MSRA: variants seen among roughly 807,000 people sequenced by gnomAD.
MSRA encodes methionine sulfoxide reductase A.
MSRA carries 54 observed loss-of-function variants against 31.3 expected under a neutral mutation model. The observed-to-expected ratio is 1.73, with a 90% CI of 1.39 to 2.17. The LOEUF (loss-of-function observed/expected upper bound fraction) is 2.17. Among genes scored for constraint, MSRA ranks in the 30% most tolerant of loss-of-function variants. MSRA has a pLI of 0.00. For missense variants in MSRA, 507 were observed against 300.9 expected (o/e 1.69, Z -5.07); for synonymous variants, 169 against 116.5 (o/e 1.45, Z -2.90).
chr8:10,387,629 A>G (rs1464983431), intron 5 of MSRA, among the ~76,000 whole-genome samples: 1 of 152,196 alleles, frequency 6.6e-6, no homozygotes, highest in Non-Finnish European at 1.5e-5. Context: ...GTGCAAGTTC[A>G]CTGCAGACAA....
chr8:10,231,737 T>C (rs183579681), intron 2 of MSRA, among the ~76,000 whole-genome samples: 230 of 152,112 alleles, frequency 1.5e-3, no homozygotes, highest in African/African-American at 5.3e-3. Flanking sequence ...ACCCCGTCTC[T>C]ACTCAGAATA....
At chr8:10,380,460 C>T (rs962622398) in intron 5 of MSRA, among the ~76,000 whole-genome samples, 7 of 152,174 alleles carry the variant, frequency 4.6e-5, no homozygotes, top group African/African-American at 1.4e-4. Flanking sequence ...AAATTTCTTT[C>T]TTTAAGGCTA....
chr8:10,428,238 C>T lies in MSRA; in HGVS notation c.634C>T (p.Leu212=), dbSNP rs1258110040. The T allele has an allele frequency of 6.2e-7, 1 of 1,614,080 alleles. No homozygotes were observed. Among genetic ancestry groups the T allele is most frequent in the African/African-American group, 1.3e-5 (1 of 74,934 alleles). ...YYAEDYHQQY[L]SKNPNGYCGL... is the part of the protein sequence containing the mutation. ...TGCGGAAGACTACCACCAGCAGTAC[C>T]TGAGCAAGAACCCCAATGGCTACTG... The change falls in exon 6 of 6, where the codon CTG becomes TTG. Residue 212 remains leucine, a synonymous_variant. Coordinates refer to ENST00000317173, the MANE Select transcript of MSRA (RefSeq NM_012331.5).
intron 3 of MSRA, among the ~76,000 whole-genome samples, chr8:10,273,991 G>A (rs1310978397): frequency 6.6e-6 from 1 of 152,138 alleles, no homozygotes; most frequent in Non-Finnish European, 1.5e-5. Context: ...CCCTGCAGGG[G>A]CCTGGTGAAG....
intron 3 of MSRA, among the ~76,000 whole-genome samples, chr8:10,274,928 G>A (rs966949998): frequency 6.6e-6 from 1 of 152,070 alleles, no homozygotes. Context: ...CTTTTGAGTT[G>A]CTTTAAAACT....
At chr8:10,220,132 T>C (rs1810367064) in intron 2 of MSRA, among the ~76,000 whole-genome samples, 1 of 152,212 alleles carries the variant, frequency 6.6e-6, no homozygotes, top group Admixed American at 6.5e-5. Flanking sequence ...CCCACGATCA[T>C]TGTATTATTC....
At chr8:10,216,155 A>G (rs1340567060) in intron 2 of MSRA, among the ~76,000 whole-genome samples, 3 of 152,178 alleles carry the variant, frequency 2.0e-5, no homozygotes, top group South Asian at 4.1e-4. Context: ...CTCCCCAGCC[A>G]TTTATCTTGG....
intron 2 of MSRA, among the ~76,000 whole-genome samples, chr8:10,235,151 C>G (rs923140727): frequency 6.6e-6 from 1 of 152,090 alleles, no homozygotes; most frequent in Non-Finnish European, 1.5e-5. Flanking sequence ...AGAATAGTTA[C>G]AAAAATTCAC....
At chr8:10,126,969 G>A (rs146826396) in intron 1 of MSRA, among the ~76,000 whole-genome samples, 1 of 152,340 alleles carries the variant, frequency 6.6e-6, no homozygotes, top group East Asian at 1.9e-4. Flanking sequence ...ACCTCCTGCT[G>A]TGCGGCCTGG....
intron 1 of MSRA, among the ~76,000 whole-genome samples, chr8:10,177,475 G>A (rs141466085): frequency 3.4e-4 from 51 of 152,222 alleles, no homozygotes; most frequent in South Asian, 2.7e-3. Context: ...TGAGTTCAGC[G>A]AGCTGGCTTC....
At chr8:10,189,801 G>T (rs1807357118) in intron 1 of MSRA, among the ~76,000 whole-genome samples, 1 of 152,078 alleles carries the variant, frequency 6.6e-6, no homozygotes, top group Non-Finnish European at 1.5e-5. Context: ...TTGTGTCTTT[G>T]TCTGGTTTTG....
intron 5 of MSRA, among the ~76,000 whole-genome samples, chr8:10,352,758 G>A (rs934076655): frequency 3.9e-5 from 6 of 152,112 alleles, no homozygotes; most frequent in East Asian, 1.9e-4. Context: ...ACACGCTGCC[G>A]TCTGTGAATC....
At position 10,416,120 on chromosome 8, in the gene MSRA, C is replaced by A. The variant is rs1808444461; in HGVS notation, c.544-12028C>A. Among the ~76,000 whole-genome samples, 5 of 152,120 alleles carry A rather than the reference C, an allele frequency of 3.3e-5. No homozygotes were observed. In the South Asian group the frequency reaches 1.0e-3, roughly 31 times the overall value. On this transcript the variant is annotated intron_variant, in intron 5 of 5. Transcript: ENST00000317173. ...CCCAGCACCTGGCACGGCACCTGCT[C>A]ACGCTGGGCACTGCAGACACGTCGT... is the stretch of plus-strand genomic sequence containing the variant.
intron 1 of MSRA, among the ~76,000 whole-genome samples, chr8:10,091,884 G>C (rs1798877739): frequency 6.6e-6 from 1 of 152,104 alleles, no homozygotes; most frequent in Admixed American, 6.5e-5. Flanking sequence ...TGGGATTACA[G>C]GTTTGAGCCA....
chr8:10,217,291 C>T (rs990565181), intron 2 of MSRA, among the ~76,000 whole-genome samples: 3 of 152,194 alleles, frequency 2.0e-5, no homozygotes, highest in Non-Finnish European at 4.4e-5. Flanking sequence ...GAGCGGCGCG[C>T]AAGTCTCGTG....
intron 2 of MSRA, among the ~76,000 whole-genome samples, chr8:10,240,436 G>A (rs1454897235): frequency 6.6e-6 from 1 of 152,178 alleles, no homozygotes; most frequent in Non-Finnish European, 1.5e-5. Flanking sequence ...ACACTGGCTG[G>A]CATCCCCTGG....
chr8:10,262,551 C>G (rs1217681689), intron 3 of MSRA, among the ~76,000 whole-genome samples: 1 of 151,646 alleles, frequency 6.6e-6, no homozygotes, highest in African/African-American at 2.4e-5. Context: ...GATCTTTTGC[C>G]CATTTTTTAT....
At chr8:10,161,016 G>A (rs1804590064) in intron 1 of MSRA, among the ~76,000 whole-genome samples, 1 of 145,718 alleles carries the variant, frequency 6.9e-6, no homozygotes, top group South Asian at 2.1e-4. Context: ...AATATCAAAT[G>A]AATAAGGCGA....
At chr8:10,291,224 T>G (rs1047751934) in intron 3 of MSRA, among the ~76,000 whole-genome samples, 2 of 152,220 alleles carry the variant, frequency 1.3e-5, no homozygotes, top group Non-Finnish European at 2.9e-5. Context: ...GAGCATAATC[T>G]CTGAAGGATA....
Sources: gnomAD v4.1 joint callset for allele counts (sites outside exome capture counted in the v4.1 genomes callset) on GRCh38, gnomAD v4.1.1 for gene constraint, MANE v1.5 for transcripts, NCBI Gene and HGNC (gene_info 2026-07-23, HGNC 2026-07-21) for gene names.